Variants in DAB1 observed in about 807,000 individuals in gnomAD.
The protein encoded by DAB1 is disabled homolog 1.
DAB1 carries 15 observed loss-of-function variants against 64.6 expected under a neutral mutation model. That is an observed-to-expected ratio of 0.23 (90% CI 0.16 to 0.36). The LOEUF (loss-of-function observed/expected upper bound fraction) is 0.36, where lower values mean the gene tolerates loss of function less well. Among genes scored for constraint, DAB1 ranks in the 10% least tolerant of loss-of-function variants. The pLI, the probability that DAB1 is intolerant of heterozygous loss-of-function variation, is 1.00. For synonymous variants in DAB1, 235 were observed against 251.9 expected (o/e 0.93, Z 0.64); for missense variants, 596 against 706.7 (o/e 0.84, Z 1.78).
At chr1:57,626,303 C>T (rs1645922740) in intron 7 of DAB1, among the ~76,000 whole-genome samples, 1 of 152,182 alleles carries the variant, frequency 6.6e-6, no homozygotes, top group Non-Finnish European at 1.5e-5. Flanking sequence ...AGTGCAGAAG[C>T]TCACCTCTAG....
At chr1:57,902,193 A>T (rs988014481) in intron 5 of DAB1, among the ~76,000 whole-genome samples, 4 of 151,570 alleles carry the variant, frequency 2.6e-5, no homozygotes, top group Admixed American at 2.6e-4. Flanking sequence ...ATTGAAAAGT[A>T]TTGAAAAGCT....
intron 7 of DAB1, among the ~76,000 whole-genome samples, chr1:57,640,059 C>A (rs1483713775): frequency 1.3e-5 from 2 of 152,094 alleles, no homozygotes; most frequent in African/African-American, 2.4e-5. Flanking sequence ...AAGCATGGCA[C>A]GAGAGGAAGT....
chr1:57,854,917 G>T (rs1653685501), intron 1 of DAB1, among the ~76,000 whole-genome samples: 1 of 152,112 alleles, frequency 6.6e-6, no homozygotes, highest in African/African-American at 2.4e-5. Context: ...AAGAGTAAAT[G>T]AAAGAAAAAT....
At chr1:58,404,247 A>C (rs1328653339) in intron 3 of DAB1, among the ~76,000 whole-genome samples, 1 of 152,194 alleles carries the variant, frequency 6.6e-6, no homozygotes, top group African/African-American at 2.4e-5. Flanking sequence ...AGAGTCTAAG[A>C]GCCTCTTAGG....
intron 4 of DAB1, among the ~76,000 whole-genome samples, chr1:58,209,868 GA>G (rs528564817): frequency 5.3e-5 from 8 of 151,576 alleles, no homozygotes; most frequent in Non-Finnish European, 8.8e-5. Flanking sequence ...ATTAGAAAAT[GA>G]AAAAAAATAC....
intron 5 of DAB1, among the ~76,000 whole-genome samples, chr1:58,130,861 C>T (rs1206895550): frequency 6.6e-6 from 1 of 152,054 alleles, no homozygotes; most frequent in Admixed American, 6.5e-5. Context: ...TTGAGGGTAA[C>T]CCGACCTTTC....
At chr1:58,315,168 T>C (rs1157680058) in intron 4 of DAB1, among the ~76,000 whole-genome samples, 1 of 152,218 alleles carries the variant, frequency 6.6e-6, no homozygotes. Context: ...CTGTGACCAG[T>C]AGCCTTGTCT....
intron 4 of DAB1, among the ~76,000 whole-genome samples, chr1:58,277,613 A>G (rs1661480699): frequency 6.6e-6 from 1 of 152,162 alleles, no homozygotes; most frequent in Admixed American, 6.5e-5. Flanking sequence ...GGGTGGTGCC[A>G]TTGCTCTGGG....
intron 9 of DAB1, among the ~76,000 whole-genome samples, chr1:57,026,768 T>C (rs768498464): frequency 3.3e-5 from 5 of 152,180 alleles, no homozygotes; most frequent in Non-Finnish European, 5.9e-5. Flanking sequence ...CTGCAGACAC[T>C]GCATCATCTC....
At chr1:57,935,620 T>C (rs1056003791) in intron 5 of DAB1, among the ~76,000 whole-genome samples, 1 of 152,210 alleles carries the variant, frequency 6.6e-6, no homozygotes, top group Non-Finnish European at 1.5e-5. Flanking sequence ...AAGGCATTAG[T>C]ATTCCCATTT....
intron 2 of DAB1, among the ~76,000 whole-genome samples, chr1:57,221,362 G>A (rs197619): frequency 0.012 from 1,796 of 151,228 alleles, 36 homozygotes; most frequent in African/African-American, 0.04. Flanking sequence ...AAACTTGCAC[G>A]TTGTGCACAT....
chr1:57,658,674 T>G (rs1314388411), intron 6 of DAB1, among the ~76,000 whole-genome samples: 1 of 152,134 alleles, frequency 6.6e-6, no homozygotes, highest in Non-Finnish European at 1.5e-5. Context: ...ACAATTCTCA[T>G]GACTCAGCCT....
At chr1:57,629,816 A>C (rs1399951167) in intron 7 of DAB1, among the ~76,000 whole-genome samples, 1 of 151,418 alleles carries the variant, frequency 6.6e-6, no homozygotes, top group Admixed American at 6.6e-5. Flanking sequence ...GCAAAGAGAT[A>C]TTGTCATAGC....
chr1:58,006,402 C>A (rs1334754606), intron 5 of DAB1, among the ~76,000 whole-genome samples: 1 of 152,078 alleles, frequency 6.6e-6, no homozygotes, highest in Non-Finnish European at 1.5e-5. Flanking sequence ...AAAGTCAGGA[C>A]TCAATAGCTG....
chr1:57,733,670 G>C (rs544089969), intron 6 of DAB1, among the ~76,000 whole-genome samples: 6 of 152,092 alleles, frequency 3.9e-5, no homozygotes, highest in African/African-American at 1.4e-4. Context: ...AGAACCTGAG[G>C]CTCAGAGAGG....
intron 4 of DAB1, among the ~76,000 whole-genome samples, chr1:58,291,539 G>A (rs961047710): frequency 6.6e-6 from 1 of 152,186 alleles, no homozygotes; most frequent in African/African-American, 2.4e-5. Flanking sequence ...TGAGAACAGA[G>A]AAATTTTCTC....
At chr1:57,512,863 A>G (rs1398243813) in intron 7 of DAB1, among the ~76,000 whole-genome samples, 2 of 152,180 alleles carry the variant, frequency 1.3e-5, no homozygotes, top group Non-Finnish European at 2.9e-5. Flanking sequence ...AGGAGCCCAC[A>G]GGCTCCTGCC....
At chr1:57,136,850 T>C (rs553547095) in intron 3 of DAB1, among the ~76,000 whole-genome samples, 3 of 152,140 alleles carry the variant, frequency 2.0e-5, no homozygotes, top group Non-Finnish European at 2.9e-5. Flanking sequence ...ACACATTGTA[T>C]AGAGAAATAT....
intron 7 of DAB1, among the ~76,000 whole-genome samples, chr1:57,442,316 A>C (rs1160062375): frequency 6.6e-6 from 1 of 152,240 alleles, no homozygotes; most frequent in Non-Finnish European, 1.5e-5. Context: ...AGTAGTAATC[A>C]TTAATTTGGA....
Sources: allele counts gnomAD v4.1 joint callset (sites outside exome capture counted in the v4.1 genomes callset), GRCh38; gene constraint gnomAD v4.1.1; transcripts MANE v1.5; gene names NCBI Gene and HGNC (gene_info 2026-07-23, HGNC 2026-07-21).